PSMA5: variants seen among roughly 807,000 people sequenced by gnomAD.
The protein encoded by PSMA5 is proteasome subunit alpha type-5.
A neutral mutation model predicts 34.5 loss-of-function variants in PSMA5; 3 were observed. That is an observed-to-expected ratio of 0.09 (90% confidence interval 0.04 to 0.22). The LOEUF (loss-of-function observed/expected upper bound fraction) is 0.22, where lower values mean the gene tolerates loss of function less well. PSMA5 is among the 10% of genes least tolerant of loss of function. The pLI is 1.00. For synonymous variants in PSMA5, 88 were observed against 95.8 expected (o/e 0.92, Z 0.47); for missense variants, 120 against 286.1 (o/e 0.42, Z 4.19).
At chr1:109,422,374 A>G (rs1036485569) in intron 1 of PSMA5, among the ~76,000 whole-genome samples, 1 of 152,078 alleles carries the variant, frequency 6.6e-6, no homozygotes. Flanking sequence ...TGCCCTCATT[A>G]CCTTTCACCT....
In PSMA5 at chr1:109,401,322, T is replaced by C. The variant is rs187785010; in HGVS notation, c.*691A>G. 9.8e-5 allele frequency: 15 copies of C among 152,296 alleles called. No homozygotes were observed. The highest frequency in any genetic ancestry group is 1.9e-4 in the African/African-American group (8 of 41,572). The allele number at this position is 152,296 out of a possible 1,614,324, so 9.4% of individuals were successfully genotyped here. On this transcript the variant is annotated 3_prime_UTR_variant, in exon 9 of 9. Transcript: ENST00000271308. ...TTGTCTATCAAGACCCAAGAACTGGTACAACACTGTTGATGGCTGATTCCA... is the reference window on the plus strand; with the variant it reads ...TTGTCTATCAAGACCCAAGAACTGGCACAACACTGTTGATGGCTGATTCCA...
intron 2 of PSMA5, among the ~76,000 whole-genome samples, chr1:109,420,534 C>G (rs569145143): frequency 6.6e-6 from 1 of 152,284 alleles, no homozygotes; most frequent in South Asian, 2.1e-4. Flanking sequence ...AACTACTTTG[C>G]CTTCTAACTC....
At chr1:109,402,319 A>T (rs1653566397) in intron 8 of PSMA5, among the ~76,000 whole-genome samples, 1 of 152,268 alleles carries the variant, frequency 6.6e-6, no homozygotes, top group South Asian at 2.1e-4. Context: ...TCACCACATC[A>T]TACTTAACCA....
chr1:109,416,613 T>C (rs1407478840), intron 2 of PSMA5, among the ~76,000 whole-genome samples: 2 of 152,262 alleles, frequency 1.3e-5, no homozygotes, highest in African/African-American at 4.8e-5. Flanking sequence ...CACGAATCTT[T>C]ATGTATAACT....
At chr1:109,418,599 G>A (rs1654310197) in intron 2 of PSMA5, among the ~76,000 whole-genome samples, 1 of 152,144 alleles carries the variant, frequency 6.6e-6, no homozygotes, top group South Asian at 2.1e-4. Context: ...TTACAGGTGT[G>A]AGCCTTGCCC....
intron 8 of PSMA5, among the ~76,000 whole-genome samples, chr1:109,408,729 C>T (rs989807504): frequency 2.0e-5 from 3 of 151,156 alleles, no homozygotes; most frequent in African/African-American, 2.4e-5. Context: ...CTCGTTCTGT[C>T]GCCCAGGCTG....
At chr1:109,402,134 C>A in intron 8 of PSMA5, 44 bp from the exon 9 acceptor site, 1 of 1,418,026 alleles carries the variant, frequency 7.1e-7, no homozygotes, top group South Asian at 1.2e-5. Context: ...CTGAGTTACC[C>A]TGCTGATGGC....
chr1:109,405,895 T>C (rs1012439946), intron 8 of PSMA5, among the ~76,000 whole-genome samples: 1 of 152,132 alleles, frequency 6.6e-6, no homozygotes, highest in African/African-American at 2.4e-5. Flanking sequence ...AATGGGAACC[T>C]GAACAAAAGG....
At chr1:109,406,418 A>C (rs1653765275) in intron 8 of PSMA5, among the ~76,000 whole-genome samples, 2 of 152,222 alleles carry the variant, frequency 1.3e-5, no homozygotes, top group Admixed American at 1.3e-4. Context: ...AAGTGAAAGA[A>C]GTATAGTCCC....
intron 8 of PSMA5, among the ~76,000 whole-genome samples, chr1:109,402,774 A>T (rs1353723273): frequency 6.6e-6 from 1 of 152,128 alleles, no homozygotes; most frequent in Non-Finnish European, 1.5e-5. Flanking sequence ...GGCGTGATCT[A>T]GGCTCACCGC....
rs1653922612 is a variant in PSMA5 at position 109,409,811 on chromosome 1, G to A, written c.648+117C>T. The stretch of plus-strand genomic sequence containing the variant: ...CACCTGTAGTCCCAGCTACTCGAGA[G>A]GCTGGGGTGGGAGGACTACTTGAAC... On this transcript the variant is annotated intron_variant, in intron 8 of 8. Coordinates refer to ENST00000271308, the MANE Select transcript of PSMA5 (RefSeq NM_002790.4). 4 of 665,330 alleles carry A rather than the reference G, an allele frequency of 6.0e-6. No individual in the cohort carries two copies. The East Asian group carries it at 1.1e-4, about 18-fold the overall frequency. 41.2% of individuals were successfully genotyped at this position (665,330 alleles called of 1,614,324 possible).
chr1:109,409,875 C>T, intron 8 of PSMA5, 53 bp downstream of exon 8: 5 of 1,313,108 alleles, frequency 3.8e-6, no homozygotes, highest in Non-Finnish European at 5.4e-6. Flanking sequence ...ATAGCCAGAC[C>T]TCATCTCTTA....
At chr1:109,424,856 G>A (rs534323359) in intron 1 of PSMA5, among the ~76,000 whole-genome samples, 14 of 152,224 alleles carry the variant, frequency 9.2e-5, no homozygotes, top group Middle Eastern at 3.4e-3. Flanking sequence ...GAGTGGTGGC[G>A]CGCGCCTGTA....
At chr1:109,423,960 A>G (rs900521780) in intron 1 of PSMA5, among the ~76,000 whole-genome samples, 4 of 152,236 alleles carry the variant, frequency 2.6e-5, no homozygotes, top group African/African-American at 9.6e-5. Flanking sequence ...TTCAATATCT[A>G]GCAGCATCCT....
chr1:109,417,003 G>T (rs1348403244), intron 2 of PSMA5, among the ~76,000 whole-genome samples: 1 of 152,208 alleles, frequency 6.6e-6, no homozygotes, highest in Non-Finnish European at 1.5e-5. Flanking sequence ...TACGCGGAAG[G>T]CTGAAACGGT....
chr1:109,405,448 T>TA (rs1491243944), intron 8 of PSMA5, among the ~76,000 whole-genome samples: 2 of 614 alleles, frequency 3.3e-3, no homozygotes, highest in Admixed American at 0.023. Context: ...TCAGAAAAGG[T>TA]TTTTTTTTTT....
chr1:109,421,453 A>T (rs1485506191), intron 2 of PSMA5, among the ~76,000 whole-genome samples: 2 of 146,784 alleles, frequency 1.4e-5, no homozygotes, highest in Admixed American at 6.8e-5. Context: ...ACTGAGAGAG[A>T]CTCCATCTCA....
In PSMA5 at chr1:109,415,326, C is replaced by G; in HGVS notation, c.134G>C (p.Gly45Ala). 6.2e-7 allele frequency: 1 copy of G among 1,613,884 alleles called. No individual in the cohort carries two copies. Among genetic ancestry groups the G allele is most frequent in the Non-Finnish European group, 8.5e-7 (1 of 1,179,828 alleles). Residue 45 changes from glycine to alanine, a missense_variant, in exon 3 of 9, where the codon GGT (glycine) becomes GCT (alanine). Around this residue, in one of 3 missense-constraint regions of PSMA5, gnomAD observed 17 missense variants for 63.5 expected, o/e 0.27. Coordinates refer to ENST00000271308, the MANE Select transcript of PSMA5 (RefSeq NM_002790.4). The stretch of plus-strand genomic sequence containing the variant: ...TCTCTTCTCCACAGCTAGGCACACA[C>G]CCTCTGATGTCTGGATCCCAATGGC... ...STAIGIQTSE[G>A]VCLAVEKRIT...
At chr1:109,410,911 T>C in intron 7 of PSMA5, 100 bp downstream of exon 7, 2 of 855,980 alleles carry the variant, frequency 2.3e-6, no homozygotes, top group South Asian at 1.6e-5. Context: ...TGTTTTGCAA[T>C]TGTCAAAACA....
Sources: allele counts gnomAD v4.1 joint callset (sites outside exome capture counted in the v4.1 genomes callset), GRCh38; gene constraint gnomAD v4.1.1; regional missense constraint gnomAD v4.1.1; transcripts MANE v1.5; gene names NCBI Gene and HGNC (gene_info 2026-07-23, HGNC 2026-07-21).